SNX29: variants seen among roughly 807,000 people sequenced by gnomAD.
SNX29 encodes the protein sorting nexin 29.
Under a neutral mutation model 102.1 loss-of-function variants are expected in SNX29, and 78 were observed. That is an observed-to-expected ratio of 0.76 (90% CI 0.64 to 0.92). The LOEUF is 0.92. Ranked by LOEUF, SNX29 falls within the 40% of genes least tolerant of loss-of-function variation. The probability of loss-of-function intolerance (pLI) is 0.00; values close to 1 mark genes in which losing one functional copy is unlikely to be tolerated. For missense variants in SNX29, 1,280 were observed against 1,061.7 expected (o/e 1.21, Z -2.86); for synonymous variants, 580 against 414.5 (o/e 1.40, Z -4.85).
chr16:12,174,515 T>C (rs533174483), intron 13 of SNX29, among the ~76,000 whole-genome samples: 13 of 152,302 alleles, frequency 8.5e-5, no homozygotes, highest in African/African-American at 3.1e-4. Flanking sequence ...GGGAGATTTA[T>C]CATGGGATTT....
At chr16:12,558,419 G>C (rs187090272) in intron 20 of SNX29, among the ~76,000 whole-genome samples, 1 of 152,240 alleles carries the variant, frequency 6.6e-6, no homozygotes, top group Non-Finnish European at 1.5e-5. Context: ...AGTGGTGAAA[G>C]CTGACATCTA....
chr16:12,183,237 G>A (rs1376156607), intron 13 of SNX29, among the ~76,000 whole-genome samples: 2 of 152,200 alleles, frequency 1.3e-5, no homozygotes, highest in South Asian at 2.1e-4. Flanking sequence ...CTGGGCTCAA[G>A]CGATCCTCCC....
At chr16:12,023,558 A>G (rs1185736854) in intron 3 of SNX29, among the ~76,000 whole-genome samples, 8 of 150,988 alleles carry the variant, frequency 5.3e-5, no homozygotes, top group Admixed American at 5.3e-4. Context: ...AGCCTGGGTA[A>G]CAGAGCAAGA....
intron 8 of SNX29, among the ~76,000 whole-genome samples, chr16:12,058,571 G>T (rs865988612): frequency 2.2e-5 from 3 of 135,994 alleles, no homozygotes; most frequent in Non-Finnish European, 4.6e-5. Context: ...TCAGCTCACT[G>T]CAACCTCCGC....
At chr16:12,551,501 G>T (rs1271204839) in intron 20 of SNX29, among the ~76,000 whole-genome samples, 1 of 152,132 alleles carries the variant, frequency 6.6e-6, no homozygotes, top group East Asian at 1.9e-4. Flanking sequence ...TAATCTTTGG[G>T]CCTCAGCATC....
chr16:12,249,099 T>C (rs1180302913), intron 14 of SNX29, among the ~76,000 whole-genome samples: 1 of 152,200 alleles, frequency 6.6e-6, no homozygotes, highest in African/African-American at 2.4e-5. Flanking sequence ...TTTTGGTTAC[T>C]AACAATTGGG....
chr16:12,537,460 C>A (rs1319293642), intron 20 of SNX29, among the ~76,000 whole-genome samples: 1 of 150,736 alleles, frequency 6.6e-6, no homozygotes, highest in African/African-American at 2.4e-5. Context: ...ACCTCTGCCT[C>A]AGCATCCTCA....
intron 14 of SNX29, among the ~76,000 whole-genome samples, chr16:12,206,797 G>T (rs2077054788): frequency 6.8e-6 from 1 of 147,448 alleles, no homozygotes; most frequent in Non-Finnish European, 1.5e-5. Context: ...CCAAAAATCA[G>T]TAGTGGGAAT....
At chr16:12,548,794 T>G (rs2561032) in intron 20 of SNX29, among the ~76,000 whole-genome samples, 50,339 of 152,028 alleles carry the variant, frequency 0.33, 10,268 homozygotes, top group East Asian at 0.74. Flanking sequence ...TGCTGGGTCA[T>G]AGCTGGGCTG....
At chr16:12,000,016 C>T (rs541353188) in intron 2 of SNX29, among the ~76,000 whole-genome samples, 1 of 151,930 alleles carries the variant, frequency 6.6e-6, no homozygotes, top group South Asian at 2.1e-4. Flanking sequence ...GGAGTTAGGA[C>T]CCTCGAGCAC....
At chr16:12,496,438 C>T (rs1297972693) in intron 19 of SNX29, among the ~76,000 whole-genome samples, 6 of 151,762 alleles carry the variant, frequency 4.0e-5, no homozygotes, top group Admixed American at 1.3e-4. Context: ...GAGGCTGGGC[C>T]CTTCGCTGGA....
At chr16:12,408,192 A>C (rs989526401) in intron 18 of SNX29, among the ~76,000 whole-genome samples, 1 of 148,528 alleles carries the variant, frequency 6.7e-6, no homozygotes, top group Non-Finnish European at 1.5e-5. Flanking sequence ...AAAAAACTAG[A>C]AGCAGCTGGG....
At position 12,109,127 on chromosome 16, in the gene SNX29, C is replaced by CAAAAAAA. The variant is rs71139575; in HGVS notation, c.1403-17484_1403-17478dup. On this transcript the variant is annotated intron_variant, in intron 11 of 20. Coordinates refer to ENST00000566228, the MANE Select transcript of SNX29 (RefSeq NM_032167.5). ...TGGGCAATAGAGTGAGGCGCTGTCT[C>CAAAAAAA]AAAAAAAAAAAAAAAAAAAAAAAAA... Among the ~76,000 whole-genome samples, 39 of 33,290 alleles carry CAAAAAAA rather than the reference C, an allele frequency of 1.2e-3. 1 individual carries two copies. The highest frequency in any genetic ancestry group is 4.9e-3 in the African/African-American group (35 of 7,198). The allele number at this position is 33,290 out of a possible 152,430, so 21.8% of individuals were successfully genotyped here.
intron 18 of SNX29, among the ~76,000 whole-genome samples, chr16:12,468,431 T>G (rs13380482): frequency 0.07 from 10,698 of 152,158 alleles, 580 homozygotes; most frequent in East Asian, 0.16. Flanking sequence ...TGCCTTAGCC[T>G]GGGATTACAG....
chr16:12,061,016 A>T (rs535079477), intron 8 of SNX29, among the ~76,000 whole-genome samples: 59 of 152,200 alleles, frequency 3.9e-4, no homozygotes, highest in African/African-American at 1.4e-3. Flanking sequence ...TCATTTCGGA[A>T]CGTGGAGCAG....
intron 18 of SNX29, among the ~76,000 whole-genome samples, chr16:12,422,171 G>A (rs1023240054): frequency 6.6e-6 from 1 of 152,212 alleles, no homozygotes; most frequent in Admixed American, 6.5e-5. Context: ...CTGGCAGGCT[G>A]TCTAGACCTA....
chr16:12,339,325 C>T (rs1316338589), intron 15 of SNX29, among the ~76,000 whole-genome samples: 4 of 135,804 alleles, frequency 2.9e-5, no homozygotes, highest in Non-Finnish European at 4.6e-5. Flanking sequence ...AACCTGAGAT[C>T]GTGCCATTGC....
At chr16:12,481,502 A>G (rs920861415) in intron 19 of SNX29, among the ~76,000 whole-genome samples, 1 of 137,962 alleles carries the variant, frequency 7.2e-6, no homozygotes, top group African/African-American at 2.9e-5. Flanking sequence ...ACATATGTAC[A>G]TATACATATA....
chr16:12,247,259 A>G (rs1249622275), intron 14 of SNX29, among the ~76,000 whole-genome samples: 1 of 152,162 alleles, frequency 6.6e-6, no homozygotes, highest in Non-Finnish European at 1.5e-5. Flanking sequence ...GATGATGGGA[A>G]TTAAAATAAG....
Sources: allele counts gnomAD v4.1 joint callset (sites outside exome capture counted in the v4.1 genomes callset), GRCh38; gene constraint gnomAD v4.1.1; transcripts MANE v1.5; gene names NCBI Gene and HGNC (gene_info 2026-07-23, HGNC 2026-07-21).